CPM: variants seen among roughly 807,000 people sequenced by gnomAD.
CPM encodes carboxypeptidase M.
CPM carries 35 observed loss-of-function variants against 46.4 expected under a neutral mutation model. The ratio of observed to expected loss-of-function variants is 0.75; its 90% confidence interval spans 0.58 to 1.00. CPM has a LOEUF of 1.00. Ranked by LOEUF, CPM falls within the 50% of genes least tolerant of loss-of-function variation. The pLI, the probability that CPM is intolerant of heterozygous loss-of-function variation, is 0.00. For missense variants in CPM, 422 were observed against 530.4 expected (o/e 0.80, Z 2.01); for synonymous variants, 195 against 195.3 (o/e 1.00, Z 0.01).
At chr12:68,945,617 C>T (rs1565808681) in intron 1 of CPM, among the ~76,000 whole-genome samples, 1 of 152,124 alleles carries the variant, frequency 6.6e-6, no homozygotes, top group Non-Finnish European at 1.5e-5. Flanking sequence ...ATAACAAAAA[C>T]GTTAGTATTC....
intron 5 of CPM, chr12:68,842,530 C>T (rs1309548130): frequency 8.4e-6 from 3 of 358,214 alleles, no homozygotes; most frequent in Non-Finnish European, 1.1e-5. Context: ...TTGCTGTCTA[C>T]AAAACAGATA....
intron 2 of CPM, among the ~76,000 whole-genome samples, chr12:68,919,666 C>T (rs910387350): frequency 2.0e-5 from 3 of 152,194 alleles, no homozygotes; most frequent in South Asian, 2.1e-4. Context: ...CTAAAAAGTT[C>T]GTCAAGGCTA....
intron 1 of CPM, among the ~76,000 whole-genome samples, chr12:68,942,000 G>T (rs1033193798): frequency 3.3e-5 from 5 of 152,234 alleles, no homozygotes; most frequent in Admixed American, 2.0e-4. Flanking sequence ...ACTACCACGG[G>T]TGATGTCTAA....
intron 8 of CPM, among the ~76,000 whole-genome samples, 163 bp from the exon 9 acceptor site, chr12:68,856,842 T>C (rs930515644): frequency 2.0e-5 from 3 of 152,260 alleles, no homozygotes; most frequent in Non-Finnish European, 4.4e-5. Flanking sequence ...CAGGCTGAGT[T>C]ATCCAATGCC....
intron 3 of CPM, among the ~76,000 whole-genome samples, chr12:68,882,294 T>C (rs1185772560): frequency 6.6e-6 from 1 of 152,106 alleles, no homozygotes; most frequent in African/African-American, 2.4e-5. Flanking sequence ...TTTGTGCCCA[T>C]GTGTATCCAA....
At chr12:68,866,781 G>A in intron 7 of CPM, 115 bp downstream of exon 7, 1 of 871,472 alleles carries the variant, frequency 1.1e-6, no homozygotes, top group Non-Finnish European at 1.8e-6. Context: ...ATCTGGCACT[G>A]AAATGAGGCT....
intron 1 of CPM, among the ~76,000 whole-genome samples, chr12:68,940,963 C>G (rs1449618222): frequency 6.6e-6 from 1 of 152,130 alleles, no homozygotes; most frequent in Non-Finnish European, 1.5e-5. Context: ...AAAACTGAAA[C>G]TCTATACCCA....
rs113127710 is a variant in CPM at position 68,920,472 on chromosome 12, T to C, written c.160+12206A>G. Among the ~76,000 whole-genome samples the C allele has an allele frequency of 3.5e-3, 538 of 152,204 alleles. 4 individuals are homozygous for C. The highest frequency in any genetic ancestry group is 0.012 in the African/African-American group (494 of 41,540). ...CCAACAATGGACAAGGGAATAAATATTTAACAAGGACTAAAAATTAAGGTG... is the reference window on the plus strand; with the variant it reads ...CCAACAATGGACAAGGGAATAAATACTTAACAAGGACTAAAAATTAAGGTG... On this transcript the variant is annotated intron_variant, in intron 2 of 8. Transcript: ENST00000551568.
At chr12:68,933,640 G>T (rs1010489084), upstream of CPM, among the ~76,000 whole-genome samples, 4 of 152,184 alleles carry the variant, frequency 2.6e-5, no homozygotes, top group African/African-American at 9.6e-5. Flanking sequence ...GCCCCGCGCG[G>T]GCTCCTGCGG....
At chr12:68,877,400 G>A (rs1021995677) in intron 3 of CPM, among the ~76,000 whole-genome samples, 1 of 152,164 alleles carries the variant, frequency 6.6e-6, no homozygotes, top group Non-Finnish European at 1.5e-5. Context: ...ACTATCCTGA[G>A]GAAGAACTTT....
chr12:68,877,097 A>G (rs1291676051), intron 3 of CPM, among the ~76,000 whole-genome samples: 2 of 152,192 alleles, frequency 1.3e-5, no homozygotes, highest in African/African-American at 4.8e-5. Context: ...TTCTTCTTCA[A>G]ATATCAGCCT....
intron 2 of CPM, among the ~76,000 whole-genome samples, chr12:68,886,505 G>A (rs903071064): frequency 2.6e-5 from 4 of 152,158 alleles, no homozygotes; most frequent in South Asian, 2.1e-4. Flanking sequence ...GGTGGCGGGC[G>A]CCTGTAGTCC....
intron 2 of CPM, among the ~76,000 whole-genome samples, chr12:68,901,446 C>T (rs1435252537): frequency 6.6e-6 from 1 of 152,120 alleles, no homozygotes; most frequent in Non-Finnish European, 1.5e-5. Context: ...GCTATACTAA[C>T]CATATTAGAA....
intron 2 of CPM, among the ~76,000 whole-genome samples, chr12:68,889,295 A>T (rs1886558506): frequency 6.6e-6 from 1 of 152,226 alleles, no homozygotes; most frequent in Non-Finnish European, 1.5e-5. Context: ...TAAATGGCTG[A>T]TTAATATTTT....
chr12:68,899,685 T>C (rs538924157), intron 2 of CPM, among the ~76,000 whole-genome samples: 29 of 152,336 alleles, frequency 1.9e-4, no homozygotes, highest in African/African-American at 6.5e-4. Context: ...GCAGGGGAAC[T>C]GTCCTAGATT....
chr12:68,856,870 G>C (rs910661398), intron 8 of CPM, among the ~76,000 whole-genome samples, 191 bp from the exon 9 acceptor site: 12 of 152,200 alleles, frequency 7.9e-5, no homozygotes, highest in Non-Finnish European at 1.8e-4. Flanking sequence ...AGAGACCAGC[G>C]TTGTGAATGC....
intron 2 of CPM, among the ~76,000 whole-genome samples, chr12:68,914,982 C>T (rs1887746452): frequency 6.6e-6 from 1 of 152,124 alleles, no homozygotes; most frequent in South Asian, 2.1e-4. Flanking sequence ...GGATAAGTAG[C>T]TAGTACACAG....
intron 8 of CPM, among the ~76,000 whole-genome samples, chr12:68,858,655 T>C (rs545217167): frequency 6.6e-6 from 1 of 151,964 alleles, no homozygotes; most frequent in Non-Finnish European, 1.5e-5. Flanking sequence ...ATTTTAATCA[T>C]AAAAGATATC....
downstream of CPM, chr12:68,846,313 C>T (rs1039337322): frequency 1.3e-5 from 2 of 152,212 alleles, no homozygotes; most frequent in African/African-American, 2.4e-5. Flanking sequence ...TCTCAAACTC[C>T]TGGGGTCAAG....
Sources: gnomAD v4.1 joint callset for allele counts (sites outside exome capture counted in the v4.1 genomes callset) on GRCh38, gnomAD v4.1.1 for gene constraint, MANE v1.5 for transcripts, NCBI Gene and HGNC (gene_info 2026-07-23, HGNC 2026-07-21) for gene names.